Variants in TPI1 observed in about 807,000 individuals in gnomAD.
The protein encoded by TPI1 is triosephosphate isomerase.
In TPI1, 11 loss-of-function variants were observed where a neutral mutation model predicts 31.0. The observed-to-expected ratio is 0.36, with a 90% CI of 0.22 to 0.59. TPI1 has a LOEUF of 0.59. Among genes scored for constraint, TPI1 ranks in the 20% least tolerant of loss-of-function variants. The pLI is 0.79. For synonymous variants in TPI1, 121 were observed against 122.8 expected, an observed-to-expected ratio of 0.99 and a Z score of 0.10; for missense variants, 245 against 319.7, an observed-to-expected ratio of 0.77 and a Z score of 1.78.
Position 6,870,760 on chromosome 12 carries a change from C to T in TPI1, c.*377C>T. 1.9e-6 allele frequency: 1 copy of T among 519,844 alleles called. No homozygotes were observed. Among genetic ancestry groups the T allele is most frequent in the South Asian group, 1.5e-5 (1 of 66,284 alleles). The allele number at this position is 519,844 out of a possible 1,614,324, so 32.2% of individuals were successfully genotyped here. On this transcript the variant is annotated 3_prime_UTR_variant, in exon 7 of 7. Transcript: ENST00000396705. ...TCAGAAGGCAGGAGTGCTGCCCTCT[C>T]CCATGGTGCCCGTGCCTCTGTGCTG...
At chr12:6,869,983 G>T in intron 5 of TPI1, 66 bp from the exon 6 acceptor site, 1 of 1,563,222 alleles carries the variant, frequency 6.4e-7, no homozygotes, top group South Asian at 1.1e-5. Flanking sequence ...AGTGTCCACT[G>T]GTGCCAGTGA....
intron 1 of TPI1, 34 bp from the exon 2 acceptor site, chr12:6,868,823 TTCTTTAG>T: frequency 6.3e-7 from 1 of 1,597,098 alleles, no homozygotes; most frequent in Non-Finnish European, 8.5e-7. Context: ...AATGAAGGCT[TTCTTTAG>T]TCTCATCCCC....
At chr12:6,868,535 A>C in intron 1 of TPI1, 1 of 1,285,608 alleles carries the variant, frequency 7.8e-7, no homozygotes, top group Non-Finnish European at 1.0e-6. Context: ...TTTAGAAGGG[A>C]AGCAGGGTTG....
At chr12:6,868,270 T>C (rs782812310) in intron 1 of TPI1, 2 of 1,287,570 alleles carry the variant, frequency 1.6e-6, no homozygotes, top group Non-Finnish European at 2.0e-6. Flanking sequence ...GGAGCCATCC[T>C]ACCGCTTTCC....
chr12:6,868,999 G>T lies in TPI1; in HGVS notation c.239+12G>T. 6.2e-7 allele frequency: 1 copy of T among 1,614,212 alleles called. No homozygotes were observed. The highest frequency in any genetic ancestry group is 8.5e-7 in the Non-Finnish European group (1 of 1,180,042). Reference sequence around the variant, plus strand: ...ACTGGGGAGATCAGGTGAGATCGAGGTGGAGAGGGGTGTGTGGGACCCTTC... The same window carrying T: ...ACTGGGGAGATCAGGTGAGATCGAGTTGGAGAGGGGTGTGTGGGACCCTTC... On this transcript the variant is annotated intron_variant, in intron 2 of 6. Coordinates refer to ENST00000396705, the MANE Select transcript of TPI1 (RefSeq NM_000365.6).
In TPI1 at chr12:6,869,254, A is replaced by G. The variant is rs781900442; in HGVS notation, c.325-4A>G. 4 of 1,614,098 alleles carry G rather than the reference A, an allele frequency of 2.5e-6. No homozygotes were observed. Among genetic ancestry groups the G allele is most frequent in the Admixed American group, 3.3e-5 (2 of 60,010 alleles). ...GATGTCTCACCAAGTCTGTTTCTCA[A>G]CAGCTGATTGGGCAGAAAGTGGCCC... On this transcript the variant is annotated splice_region_variant and splice_polypyrimidine_tract_variant and intron_variant, in intron 3 of 6. Transcript: ENST00000396705.
intron 1 of TPI1, 129 bp downstream of exon 1, chr12:6,867,810 A>G (rs1555131652): frequency 9.6e-7 from 1 of 1,040,936 alleles, no homozygotes; most frequent in African/African-American, 1.7e-5. Context: ...GGGCTGTGGG[A>G]CGAGGGCCGC....
At chr12:6,868,140 G>A in intron 1 of TPI1, 17 of 1,247,894 alleles carry the variant, frequency 1.4e-5, no homozygotes, top group Non-Finnish European at 1.7e-5. Context: ...TCCCCGCGCC[G>A]AGCTGCTCGG....
chr12:6,867,699 A>AG lies in TPI1; in HGVS notation c.115+22dup, dbSNP rs782390162. The AG allele has an allele frequency of 1.3e-6, 2 of 1,590,388 alleles. No individual in the cohort carries two copies. The highest frequency in any genetic ancestry group is 2.7e-5 in the African/African-American group (2 of 73,106). On this transcript the variant is annotated intron_variant, in intron 1 of 6. Transcript: ENST00000396705. ...CGACACCGGTAAGCCCTCGCCGAGG[A>AG]GGGGTCTGGCCGGGCCGGGGCCGGG...
intron 6 of TPI1, 63 bp from the exon 7 acceptor site, chr12:6,870,202 G>A (rs1024827614): frequency 1.3e-5 from 21 of 1,601,490 alleles, no homozygotes; most frequent in Non-Finnish European, 1.7e-5. Flanking sequence ...CTCGGACATG[G>A]AGGTGGGGAT....
At position 6,870,044 on chromosome 12, in the gene TPI1, T is replaced by C; in HGVS notation, c.544-5T>C. 1 of 1,607,506 alleles carries C rather than the reference T, an allele frequency of 6.2e-7. No homozygotes were observed. Among genetic ancestry groups the C allele is most frequent in the South Asian group, 1.1e-5 (1 of 91,056 alleles). ...GGTCTTACTTAGGCCAGCTTCTTGT[T>C]CTAGGCCCAGGAAGTACACGAGAAG... On this transcript the variant is annotated splice_region_variant and splice_polypyrimidine_tract_variant and intron_variant, in intron 5 of 6. Coordinates refer to ENST00000396705, the MANE Select transcript of TPI1 (RefSeq NM_000365.6).
chr12:6,870,626 G>A lies in TPI1; in HGVS notation c.*243G>A. ...ACGTCACCAAGGTGGCTTCTCCTTG[G>A]CTGAGAGATGGAAGGCGTGGTGGGA... On this transcript the variant is annotated 3_prime_UTR_variant, in exon 7 of 7. Coordinates refer to ENST00000396705, the MANE Select transcript of TPI1 (RefSeq NM_000365.6). 1 of 677,670 alleles carries A rather than the reference G, an allele frequency of 1.5e-6. No homozygotes were observed. Among genetic ancestry groups the A allele is most frequent in the Non-Finnish European group, 2.8e-6 (1 of 362,488 alleles). 42.0% of individuals were successfully genotyped at this position (677,670 alleles called of 1,614,324 possible). A position where few individuals can be genotyped will look rare whatever the true frequency, so the allele number is the denominator to read the frequency against.
intron 1 of TPI1, chr12:6,868,659 G>A (rs1253531881): frequency 8.3e-6 from 11 of 1,330,348 alleles, no homozygotes; most frequent in Non-Finnish European, 1.0e-5. Context: ...GCCTCTCAGG[G>A]GTATCTGGAA....
At chr12:6,869,591 A>T in intron 4 of TPI1, 97 bp from the exon 5 acceptor site, 1 of 1,484,530 alleles carries the variant, frequency 6.7e-7, no homozygotes, top group Non-Finnish European at 9.4e-7. Flanking sequence ...AATGTCCACT[A>T]GGGGGCAGTA....
rs199634350 is a variant in TPI1 at position 6,867,556 on chromosome 12, G to A, written c.-11G>A. 7.3e-5 allele frequency: 117 copies of A among 1,611,542 alleles called. No individual in the cohort carries two copies. The highest frequency in any genetic ancestry group is 8.6e-5 in the Non-Finnish European group (102 of 1,179,274). On this transcript the variant is annotated 5_prime_UTR_variant, in exon 1 of 7. Coordinates refer to ENST00000396705, the MANE Select transcript of TPI1 (RefSeq NM_000365.6). ...GCAGACACTGACCTTCAGCGCCTCG[G>A]CTCCAGCGCCATGGCGCCCTCCAGG...
intron 1 of TPI1, chr12:6,868,069 C>T (rs1281398969): frequency 1.1e-5 from 14 of 1,234,742 alleles, no homozygotes; most frequent in Non-Finnish European, 1.4e-5. Flanking sequence ...GCCCTGGCCT[C>T]CCGCGCCGTG....
chr12:6,868,739 A>G, intron 1 of TPI1, 125 bp from the exon 2 acceptor site: 1 of 1,470,804 alleles, frequency 6.8e-7, no homozygotes, highest in African/African-American at 1.4e-5. Flanking sequence ...CTGGGGTGAA[A>G]AGGGGGAGAG....
intron 4 of TPI1, 130 bp downstream of exon 4, chr12:6,869,520 A>G (rs782682233): frequency 4.5e-5 from 68 of 1,527,982 alleles, no homozygotes; most frequent in South Asian, 3.6e-4. Context: ...GGGAGTGACA[A>G]TCTTTGCTTG....
intron 4 of TPI1, 25 bp from the exon 5 acceptor site, chr12:6,869,663 C>T (rs1335880635): frequency 6.2e-7 from 1 of 1,613,686 alleles, no homozygotes; most frequent in African/African-American, 1.3e-5. Flanking sequence ...TCACCCTTCC[C>T]TCCATCTGTA....
Sources: gnomAD v4.1 joint callset for allele counts on GRCh38, gnomAD v4.1.1 for gene constraint, MANE v1.5 for transcripts, NCBI Gene and HGNC (gene_info 2026-07-23, HGNC 2026-07-21) for gene names.